The following MOGAT1 variants were observed in gnomAD, a reference collection of about 807,000 sequenced individuals.
MOGAT1 encodes the protein 2-acylglycerol O-acyltransferase 1.
Under a neutral mutation model 31.4 loss-of-function variants are expected in MOGAT1, and 32 were observed. That is an observed-to-expected ratio of 1.02 (90% CI 0.77 to 1.37). The LOEUF (loss-of-function observed/expected upper bound fraction) is 1.37, where lower values mean the gene tolerates loss of function less well. MOGAT1 is among the 40% of genes most tolerant of loss of function. MOGAT1 has a pLI of 0.00. For synonymous variants in MOGAT1, 145 were observed against 144.5 expected, an observed-to-expected ratio of 1.00 and a Z score of -0.03; for missense variants, 426 against 402.0, an observed-to-expected ratio of 1.06 and a Z score of -0.51.
In MOGAT1 at chr2:222,688,488, T is replaced by C; in HGVS notation, c.239T>C (p.Leu80Pro). 1 of 1,613,570 alleles carries C rather than the reference T, an allele frequency of 6.2e-7. No individual in the cohort carries two copies. Among genetic ancestry groups the C allele is most frequent in the African/African-American group, 1.3e-5 (1 of 75,036 alleles). Residue 80 changes from leucine (L) to proline (P), a missense_variant, in exon 2 of 6, where the codon CTT (leucine) becomes CCT (proline). Coordinates refer to ENST00000446656, the MANE Select transcript of MOGAT1 (RefSeq NM_058165.3). Reference sequence around the variant, plus strand: ...TCCAGCTGGATCAAAAATTGGACTCTTTGGAAACACTTTAAGGACTATTTT... The same window carrying C: ...TCCAGCTGGATCAAAAATTGGACTCCTTGGAAACACTTTAAGGACTATTTT... The part of the protein sequence containing the change: ...RRSSWIKNWT[L>P]WKHFKDYFPI...
rs200677352 is a variant in MOGAT1 at position 222,689,335 on chromosome 2, C to A, written c.344C>A (p.Ala115Glu). The change falls in exon 3 of 6, where the codon GCA (alanine) becomes GAA (glutamate). Residue 115 changes from alanine to glutamate, a missense_variant. By Grantham distance (107) the Ala-to-Glu change is moderately radical. Transcript: ENST00000446656. ...GGGTTTCACCCCCATGGAATAATGG[C>A]AGTTGGAGCCTTTGGGAATTTTTCT... is the stretch of plus-strand genomic sequence containing the variant. ...IFGFHPHGIM[A>E]VGAFGNFSVN... is the part of the protein sequence containing the mutation. The A allele has an allele frequency of 2.9e-4, 461 of 1,613,860 alleles. 1 individual carries two copies. The highest frequency in any genetic ancestry group is 3.6e-4 in the Non-Finnish European group (428 of 1,179,852).
At chr2:222,676,537 T>C (rs947300925) in intron 1 of MOGAT1, among the ~76,000 whole-genome samples, 3 of 152,224 alleles carry the variant, frequency 2.0e-5, no homozygotes, top group Non-Finnish European at 4.4e-5. Flanking sequence ...TTATGAATAA[T>C]ACCACTGTGA....
chr2:222,687,192 CAT>C (rs942907131), intron 1 of MOGAT1, among the ~76,000 whole-genome samples: 22 of 136,630 alleles, frequency 1.6e-4, no homozygotes, highest in African/African-American at 4.8e-4. Context: ...TTTGGTAAAA[CAT>C]GTATGTCAGT....
chr2:222,676,282 CCTGAT>C (rs1265623264), intron 1 of MOGAT1, among the ~76,000 whole-genome samples: 1 of 151,996 alleles, frequency 6.6e-6, no homozygotes, highest in Non-Finnish European at 1.5e-5. Flanking sequence ...CCACACTGTG[CCTGAT>C]CTGATCTGAT....
intron 1 of MOGAT1, among the ~76,000 whole-genome samples, chr2:222,686,988 C>T (rs1251781455): frequency 6.6e-6 from 1 of 151,312 alleles, no homozygotes; most frequent in Non-Finnish European, 1.5e-5. Flanking sequence ...GTGGTGCGCG[C>T]CTATAATCCT....
intron 1 of MOGAT1, 79 bp from the exon 2 acceptor site, chr2:222,688,264 TA>T (rs1306387346): frequency 9.1e-7 from 1 of 1,093,730 alleles, no homozygotes; most frequent in Non-Finnish European, 1.3e-6. Flanking sequence ...ATCTTATATG[TA>T]TTAATCCCCC....
At chr2:222,684,413 AAAAG>A (rs1304345266) in intron 1 of MOGAT1, among the ~76,000 whole-genome samples, 1 of 152,196 alleles carries the variant, frequency 6.6e-6, no homozygotes, top group Non-Finnish European at 1.5e-5. Context: ...CTCAAAAAAA[AAAAG>A]AAAGAAAGGA....
At chr2:222,689,914 C>T (rs1692732438) in intron 3 of MOGAT1, among the ~76,000 whole-genome samples, 1 of 152,200 alleles carries the variant, frequency 6.6e-6, no homozygotes, top group South Asian at 2.1e-4. Flanking sequence ...TAAAACTAAG[C>T]ATATTCAACT....
chr2:222,688,293 G>A, intron 1 of MOGAT1, 51 bp from the exon 2 acceptor site: 2 of 1,478,306 alleles, frequency 1.4e-6, no homozygotes, highest in African/African-American at 1.4e-5. Flanking sequence ...GGCCACTGCA[G>A]TGAGCAGATA....
At chr2:222,685,990 T>C (rs1397842828) in intron 1 of MOGAT1, among the ~76,000 whole-genome samples, 1 of 152,178 alleles carries the variant, frequency 6.6e-6, no homozygotes, top group African/African-American at 2.4e-5. Flanking sequence ...TAGTGAAATA[T>C]TGAATTAGTA....
intron 1 of MOGAT1, among the ~76,000 whole-genome samples, chr2:222,679,287 A>T (rs1181698351): frequency 6.6e-6 from 1 of 152,120 alleles, no homozygotes; most frequent in South Asian, 2.1e-4. Context: ...TTTGATTATT[A>T]TAGCTTTATA....
intron 5 of MOGAT1, among the ~76,000 whole-genome samples, chr2:222,708,032 A>G (rs903892693): frequency 1.3e-4 from 20 of 152,148 alleles, no homozygotes; most frequent in Non-Finnish European, 1.8e-4. Flanking sequence ...CAGAGGCAGC[A>G]GTTTGCTGCC....
rs750144670 is a variant in MOGAT1 at position 222,695,234 on chromosome 2, G to GT, written c.804dup (p.Gln269SerfsTer10). 1 of 1,613,656 alleles carries GT rather than the reference G, an allele frequency of 6.2e-7. No individual in the cohort carries two copies. The highest frequency in any genetic ancestry group is 1.7e-5 in the Admixed American group (1 of 59,942). Reference sequence around the variant, plus strand: ...TTTGCCCCTGTTTCATGCCAGGGGAGTTTTTCAGTACAATTTTGGCCTAAT... The same window carrying GT: ...TTTGCCCCTGTTTCATGCCAGGGGAGTTTTTTCAGTACAATTTTGGCCTAAT... On this transcript the variant is annotated frameshift_variant, in exon 5 of 6. Coordinates refer to ENST00000446656, the MANE Select transcript of MOGAT1 (RefSeq NM_058165.3). LOFTEE classifies it high-confidence loss of function.
At chr2:222,701,770 C>T (rs1559234215) in intron 5 of MOGAT1, among the ~76,000 whole-genome samples, 1 of 152,072 alleles carries the variant, frequency 6.6e-6, no homozygotes, top group Non-Finnish European at 1.5e-5. Context: ...CCAGCGCTGG[C>T]CACATAGAGA....
chr2:222,679,200 AT>A (rs1311116101), intron 1 of MOGAT1, among the ~76,000 whole-genome samples: 1 of 152,172 alleles, frequency 6.6e-6, no homozygotes, highest in Non-Finnish European at 1.5e-5. Context: ...TTGCCCATAT[AT>A]GCATGGGTTT....
chr2:222,709,673 G>C lies in MOGAT1; in HGVS notation c.854-63G>C, dbSNP rs552291651. 15 of 1,484,216 alleles carry C rather than the reference G, an allele frequency of 1.0e-5. No homozygotes were observed. In the Admixed American group the frequency reaches 2.5e-4, roughly 25 times the overall value. 91.9% of individuals were successfully genotyped at this position (1,484,216 alleles called of 1,614,324 possible). ...AGTTGTGTTCACAGCTGTGCATTAG[G>C]GGCGGCGGTCTGTGGTGGAGTGGTT... On this transcript the variant is annotated intron_variant, in intron 5 of 5. Transcript: ENST00000446656.
At chr2:222,695,995 T>C (rs1378550345) in intron 5 of MOGAT1, among the ~76,000 whole-genome samples, 1 of 152,218 alleles carries the variant, frequency 6.6e-6, no homozygotes, top group Non-Finnish European at 1.5e-5. Context: ...AGCTCCCACT[T>C]ATGAGTGAGA....
chr2:222,690,296 C>T (rs1361437672), intron 3 of MOGAT1, among the ~76,000 whole-genome samples: 1 of 152,134 alleles, frequency 6.6e-6, no homozygotes, highest in Admixed American at 6.6e-5. Context: ...CAGTGACTCA[C>T]ACCTGTTATC....
chr2:222,697,041 GAAAAAC>G (rs1365615969), intron 5 of MOGAT1, among the ~76,000 whole-genome samples: 2 of 152,038 alleles, frequency 1.3e-5, no homozygotes, highest in Middle Eastern at 3.4e-3. Flanking sequence ...CCCTATCTCA[GAAAAAC>G]AAAAACAAAA....
Sources: allele counts gnomAD v4.1 joint callset (sites outside exome capture counted in the v4.1 genomes callset), GRCh38; gene constraint gnomAD v4.1.1; transcripts MANE v1.5; gene names NCBI Gene and HGNC (gene_info 2026-07-23, HGNC 2026-07-21).